The following TMEM45B variants were observed in gnomAD, a reference collection of about 807,000 sequenced individuals.
TMEM45B encodes transmembrane protein 45B.
Under a neutral mutation model 27.3 loss-of-function variants are expected in TMEM45B, and 29 were observed. That is an observed-to-expected ratio of 1.06 (90% CI 0.79 to 1.45). TMEM45B has a LOEUF of 1.45. Among genes scored for constraint, TMEM45B ranks in the 40% most tolerant of loss-of-function variants. The pLI, the probability that TMEM45B is intolerant of heterozygous loss-of-function variation, is 0.00. For synonymous variants in TMEM45B, 143 were observed against 134.7 expected (o/e 1.06, Z -0.43); for missense variants, 348 against 343.9 (o/e 1.01, Z -0.09).
At chr11:129,841,921 C>T (rs1947701040) in intron 1 of TMEM45B, among the ~76,000 whole-genome samples, 1 of 151,904 alleles carries the variant, frequency 6.6e-6, no homozygotes, top group South Asian at 2.1e-4. Flanking sequence ...GAAAACTGTT[C>T]AAGGAATTAA....
chr11:129,858,399 G>A (rs1287421934), intron 5 of TMEM45B, among the ~76,000 whole-genome samples, 175 bp from the exon 6 acceptor site: 3 of 152,108 alleles, frequency 2.0e-5, no homozygotes, highest in Non-Finnish European at 4.4e-5. Context: ...TTCCACCATC[G>A]CCCCTTTATC....
chr11:129,822,642 G>A (rs1172309475), intron 1 of TMEM45B, among the ~76,000 whole-genome samples: 1 of 152,078 alleles, frequency 6.6e-6, no homozygotes, highest in Non-Finnish European at 1.5e-5. Context: ...AGGTGGACAG[G>A]TGGAGGTCTA....
chr11:129,829,356 A>G (rs1591437054), intron 1 of TMEM45B, among the ~76,000 whole-genome samples: 1 of 152,318 alleles, frequency 6.6e-6, no homozygotes, highest in East Asian at 1.9e-4. Context: ...GTTGGTTTCT[A>G]TCCTTTCCCT....
chr11:129,858,338 C>T lies in TMEM45B; in HGVS notation c.717-236C>T, dbSNP rs79700233. 5.6e-3 allele frequency among the ~76,000 whole-genome samples: 846 copies of T among 152,302 alleles called. 10 individuals are homozygous for T. Among genetic ancestry groups the T allele is most frequent in the African/African-American group, 0.02 (813 of 41,556 alleles). On this transcript the variant is annotated intron_variant, in intron 5 of 5. Transcript: ENST00000281441. ...TAGTTCTCCTGCCCAGCCACTGAAA[C>T]AGTAAACCAAGATAGGCAAGACCTT...
At chr11:129,850,210 G>C (rs1027994554) in intron 1 of TMEM45B, 6 of 151,824 alleles carry the variant, frequency 4.0e-5, no homozygotes, top group African/African-American at 1.5e-4. Context: ...TGTCACCCAG[G>C]CTGGAGTGCA....
intron 2 of TMEM45B, among the ~76,000 whole-genome samples, chr11:129,853,964 C>T (rs772246624): frequency 6.6e-6 from 1 of 152,202 alleles, no homozygotes; most frequent in Non-Finnish European, 1.5e-5. Flanking sequence ...AAGAGCTATC[C>T]TGTGTCGCAG....
At chr11:129,854,488 A>T (rs892563906) in intron 2 of TMEM45B, 122 bp from the exon 3 acceptor site, 1 of 900,262 alleles carries the variant, frequency 1.1e-6, no homozygotes, top group Non-Finnish European at 1.7e-6. Flanking sequence ...AGCTCTGCTG[A>T]CCCGCGGGCC....
At chr11:129,854,401 A>G (rs1316167812) in intron 2 of TMEM45B, among the ~76,000 whole-genome samples, 1 of 152,130 alleles carries the variant, frequency 6.6e-6, no homozygotes, top group African/African-American at 2.4e-5. Flanking sequence ...AGGAACAACA[A>G]TGGCAAGATG....
intron 1 of TMEM45B, among the ~76,000 whole-genome samples, chr11:129,826,750 C>G (rs1947488739): frequency 6.6e-6 from 1 of 150,550 alleles, no homozygotes; most frequent in Non-Finnish European, 1.5e-5. Context: ...ATCTGTCACC[C>G]AGGCTGGAAT....
rs779761841 is a variant in TMEM45B, at chr11:129,852,557, C to A, written c.75C>A (p.Tyr25Ter). Reference sequence around the variant, plus strand: ...TTGGGCTGTGTTGGTCAGTGAAGTACCCGCTGAAGTACTTTAGCCACACGC... The same window carrying A: ...TTGGGCTGTGTTGGTCAGTGAAGTAACCGCTGAAGTACTTTAGCCACACGC... ...LIIGLCWSVKYPLKYFSHTRK... is the reference protein window; with the variant it reads ...LIIGLCWSVK The change falls in exon 2 of 6, where the codon TAC (tyrosine) becomes TAA (stop). Residue 25 changes from tyrosine (Y) to a stop codon, truncating the protein, a stop_gained. Coordinates refer to ENST00000281441, the MANE Select transcript of TMEM45B (RefSeq NM_138788.5). LOFTEE classifies it high-confidence loss of function. 8.7e-5 allele frequency: 140 copies of A among 1,613,840 alleles called. No individual in the cohort carries two copies. Among genetic ancestry groups the A allele is most frequent in the Non-Finnish European group, 1.1e-4 (133 of 1,179,882 alleles).
intron 1 of TMEM45B, among the ~76,000 whole-genome samples, chr11:129,832,927 T>C (rs1947568633): frequency 2.0e-5 from 3 of 152,166 alleles, no homozygotes; most frequent in Admixed American, 2.0e-4. Context: ...GATTTAGTAA[T>C]TAAATCTATG....
intron 1 of TMEM45B, among the ~76,000 whole-genome samples, chr11:129,835,977 G>T (rs1947614751): frequency 6.6e-6 from 1 of 152,142 alleles, no homozygotes. Context: ...AAATAGCCTT[G>T]CATGGTGGCT....
intron 1 of TMEM45B, among the ~76,000 whole-genome samples, chr11:129,847,703 G>A (rs1413508416): frequency 6.6e-6 from 1 of 151,838 alleles, no homozygotes; most frequent in Admixed American, 6.6e-5. Flanking sequence ...CAGGGTTGGG[G>A]GTAAGGTCAT....
rs781576946 is a variant in TMEM45B at position 129,854,594 on chromosome 11, C to T, written c.179-16C>T. ...CTACTCTTCCCTCTAAAACATCCATCCTCATTTCCCTGCAGGGATCCTGGC... is the reference window on the plus strand; with the variant it reads ...CTACTCTTCCCTCTAAAACATCCATTCTCATTTCCCTGCAGGGATCCTGGC... On this transcript the variant is annotated splice_polypyrimidine_tract_variant and intron_variant, in intron 2 of 5. Transcript: ENST00000281441. The T allele has an allele frequency of 6.2e-7, 1 of 1,613,382 alleles. No homozygotes were observed. The highest frequency in any genetic ancestry group is 1.7e-5 in the Admixed American group (1 of 59,948).
chr11:129,822,514 T>C (rs146448143), intron 1 of TMEM45B, among the ~76,000 whole-genome samples: 3,632 of 152,302 alleles, frequency 0.024, 61 homozygotes, highest in Non-Finnish European at 0.036. Flanking sequence ...GTACATATAA[T>C]GGGTTTCTCT....
intron 4 of TMEM45B, among the ~76,000 whole-genome samples, chr11:129,856,857 C>CTTT (rs34320792): frequency 7.7e-6 from 1 of 129,736 alleles, no homozygotes; most frequent in Non-Finnish European, 1.6e-5. Context: ...CCGCGCCCGG[C>CTTT]TTTTTTTTTT....
intron 1 of TMEM45B, among the ~76,000 whole-genome samples, chr11:129,837,173 T>A (rs974938298): frequency 2.0e-5 from 3 of 152,032 alleles, no homozygotes; most frequent in Non-Finnish European, 4.4e-5. Flanking sequence ...AAATCCCACT[T>A]ACTCCCTCTT....
intron 1 of TMEM45B, among the ~76,000 whole-genome samples, chr11:129,821,866 T>C (rs1034123152): frequency 6.7e-6 from 1 of 149,208 alleles, no homozygotes; most frequent in South Asian, 2.2e-4. Flanking sequence ...TTTGGCGGGG[T>C]GGGGGGAATA....
At chr11:129,847,008 C>T (rs1293697777) in intron 1 of TMEM45B, among the ~76,000 whole-genome samples, 9 of 152,036 alleles carry the variant, frequency 5.9e-5, no homozygotes, top group Non-Finnish European at 1.2e-4. Context: ...CTGGTAAGGA[C>T]TTTGGATTTA....
Sources: gnomAD v4.1 joint callset for allele counts (sites outside exome capture counted in the v4.1 genomes callset) on GRCh38, gnomAD v4.1.1 for gene constraint, MANE v1.5 for transcripts, NCBI Gene and HGNC (gene_info 2026-07-23, HGNC 2026-07-21) for gene names.